CCDC171: variants seen among roughly 807,000 people sequenced by gnomAD.
The protein encoded by CCDC171 is coiled-coil domain containing 171.
Under a neutral mutation model 168.2 loss-of-function variants are expected in CCDC171, and 177 were observed. The ratio of observed to expected loss-of-function variants is 1.05; its 90% confidence interval spans 0.93 to 1.19. The LOEUF (loss-of-function observed/expected upper bound fraction) is 1.19, where lower values mean the gene tolerates loss of function less well. Ranked by LOEUF, CCDC171 falls within the 50% of genes most tolerant of loss-of-function variation. The pLI, the probability that CCDC171 is intolerant of heterozygous loss-of-function variation, is 0.00. For missense variants in CCDC171, 1,991 were observed against 1,539.0 expected, an observed-to-expected ratio of 1.29 and a Z score of -4.91; for synonymous variants, 687 against 540.8, an observed-to-expected ratio of 1.27 and a Z score of -3.75.
intron 7 of CCDC171, among the ~76,000 whole-genome samples, chr9:15,649,001 T>A (rs867888567): frequency 1.3e-5 from 2 of 152,250 alleles, no homozygotes; most frequent in South Asian, 4.1e-4. Flanking sequence ...CAAACTATAC[T>A]ACAAGGCTAC....
chr9:15,601,244 A>C (rs1266813314), intron 6 of CCDC171, among the ~76,000 whole-genome samples: 1 of 152,220 alleles, frequency 6.6e-6, no homozygotes, highest in Non-Finnish European at 1.5e-5. Context: ...GGAGCTGTAG[A>C]CTGGAGCTGT....
At chr9:15,565,320 G>T (rs1586992492) in intron 2 of CCDC171, among the ~76,000 whole-genome samples, 1 of 151,742 alleles carries the variant, frequency 6.6e-6, no homozygotes, top group East Asian at 1.9e-4. Context: ...TTTCAATTTT[G>T]GGGAAACTTC....
At chr9:15,992,044 G>A (rs1451402927) in intron 3 of CCDC171, among the ~76,000 whole-genome samples, 3 of 152,102 alleles carry the variant, frequency 2.0e-5, no homozygotes, top group African/African-American at 4.8e-5. Flanking sequence ...ATTTCAATCA[G>A]TAGAAAAAGA....
chr9:15,700,193 G>A (rs559745549), intron 11 of CCDC171, among the ~76,000 whole-genome samples: 1 of 152,218 alleles, frequency 6.6e-6, no homozygotes, highest in Non-Finnish European at 1.5e-5. Flanking sequence ...CCCACGGGAA[G>A]GCAGCTAAGG....
At chr9:16,017,390 T>A (rs1833052788) in intron 3 of CCDC171, among the ~76,000 whole-genome samples, 1 of 152,146 alleles carries the variant, frequency 6.6e-6, no homozygotes, top group South Asian at 2.1e-4. Flanking sequence ...AGACAACGCA[T>A]AATTATTTTA....
At chr9:16,040,646 T>G (rs1217194509), upstream of CCDC171, among the ~76,000 whole-genome samples, 1 of 152,234 alleles carries the variant, frequency 6.6e-6, no homozygotes, top group Non-Finnish European at 1.5e-5. Context: ...GGTTAAATCA[T>G]AGAGTGTTTT....
In CCDC171 at chr9:15,796,977, A is replaced by C. The variant is rs375846581; in HGVS notation, c.3267+12283A>C. Among the ~76,000 whole-genome samples the C allele has an allele frequency of 5.9e-5, 9 of 152,330 alleles. No homozygotes were observed. In the East Asian group the frequency reaches 1.7e-3, roughly 29 times the overall value. ...TAAGAAACTGCCGAAATCTTTTTCAAAATTGGCTGCATGATTTTACATTTC... is the reference window on the plus strand; with the variant it reads ...TAAGAAACTGCCGAAATCTTTTTCACAATTGGCTGCATGATTTTACATTTC... On this transcript the variant is annotated intron_variant, in intron 21 of 25. Coordinates refer to ENST00000380701, the MANE Select transcript of CCDC171 (RefSeq NM_173550.4).
chr9:16,072,037 C>T, the CCDC171 span, among the ~76,000 whole-genome samples: 2 of 152,194 alleles, frequency 1.3e-5, no homozygotes, highest in Non-Finnish European at 2.9e-5. Context: ...ATTAATTTGA[C>T]TGCAAGAATT....
chr9:15,922,900 T>A lies in CCDC171; in HGVS notation c.3753+2478T>A, dbSNP rs1300736783. ...GTCTATTTAGGTCTTTTGCCCATTT[T>A]AAAAATCAGGTTATTTGTTTTCTTG... is the stretch of plus-strand genomic sequence containing the variant. On this transcript the variant is annotated intron_variant, in intron 25 of 25. Coordinates refer to ENST00000380701, the MANE Select transcript of CCDC171 (RefSeq NM_173550.4). 2.0e-5 allele frequency among the ~76,000 whole-genome samples: 3 copies of A among 151,586 alleles called. No individual in the cohort carries two copies. The East Asian group carries it at 5.8e-4, about 29-fold the overall frequency.
At chr9:16,002,760 A>G (rs1832590644) in intron 3 of CCDC171, among the ~76,000 whole-genome samples, 1 of 152,200 alleles carries the variant, frequency 6.6e-6, no homozygotes, top group African/African-American at 2.4e-5. Flanking sequence ...AGCTCCATTC[A>G]TGGTAAGTGC....
chr9:15,870,964 A>G (rs1015555753), intron 23 of CCDC171, among the ~76,000 whole-genome samples: 2 of 151,358 alleles, frequency 1.3e-5, no homozygotes, highest in African/African-American at 4.8e-5. Flanking sequence ...CTTGAAATAA[A>G]TATATTTCAT....
At chr9:15,809,501 G>A (rs12003094) in intron 21 of CCDC171, among the ~76,000 whole-genome samples, 8,012 of 152,054 alleles carry the variant, frequency 0.053, 741 homozygotes, top group African/African-American at 0.18. Context: ...CTGATGTTTG[G>A]ACGTGTTTGG....
chr9:15,837,944 A>G (rs890641918), intron 21 of CCDC171, among the ~76,000 whole-genome samples: 2 of 152,186 alleles, frequency 1.3e-5, no homozygotes, highest in African/African-American at 2.4e-5. Flanking sequence ...AACCGAAAAC[A>G]TTTTAAAACC....
chr9:16,067,146 T>C, the CCDC171 span, among the ~76,000 whole-genome samples: 11 of 152,096 alleles, frequency 7.2e-5, no homozygotes, highest in Admixed American at 2.6e-4. Flanking sequence ...TTTTTAATGA[T>C]GGCCATTCTA....
intron 7 of CCDC171, among the ~76,000 whole-genome samples, chr9:15,636,228 C>T (rs966794354): frequency 1.8e-4 from 27 of 151,990 alleles, no homozygotes; most frequent in Admixed American, 1.4e-3. Flanking sequence ...GACTTACCAA[C>T]AGAAATGCCA....
At chr9:16,104,769 C>G in the CCDC171 span, among the ~76,000 whole-genome samples, 59 of 149,688 alleles carry the variant, frequency 3.9e-4, no homozygotes, top group African/African-American at 1.4e-3. Context: ...ATTCATTGAA[C>G]ATGTACTATA....
chr9:16,060,163 GCTGGACCTGCACTC>G (rs1189603932), intron 1 of CCDC171, among the ~76,000 whole-genome samples: 2 of 152,184 alleles, frequency 1.3e-5, no homozygotes, highest in Non-Finnish European at 2.9e-5. Context: ...AAGGCTAGTG[GCTGGACCTGCACTC>G]AGATGGCAAT....
At chr9:15,810,121 C>G (rs1037142610) in intron 21 of CCDC171, among the ~76,000 whole-genome samples, 3 of 152,068 alleles carry the variant, frequency 2.0e-5, no homozygotes, top group Non-Finnish European at 4.4e-5. Context: ...AATCCCTGAA[C>G]TAGACACAGA....
At chr9:15,953,467 G>T (rs1241826730) in intron 25 of CCDC171, among the ~76,000 whole-genome samples, 4 of 152,228 alleles carry the variant, frequency 2.6e-5, no homozygotes, top group African/African-American at 9.6e-5. Flanking sequence ...TTCTGTTACT[G>T]TGGTGTATCA....
Sources: allele counts gnomAD v4.1 joint callset (sites outside exome capture counted in the v4.1 genomes callset), GRCh38; gene constraint gnomAD v4.1.1; transcripts MANE v1.5; gene names NCBI Gene and HGNC (gene_info 2026-07-23, HGNC 2026-07-21).